The following BACH2 variants were observed in gnomAD, a reference collection of about 807,000 sequenced individuals.
BACH2 encodes transcription regulator protein BACH2.
BACH2 carries 5 observed loss-of-function variants against 61.8 expected under a neutral mutation model. The ratio of observed to expected loss-of-function variants is 0.08; its 90% confidence interval spans 0.04 to 0.17. The LOEUF is 0.17. Among genes scored for constraint, BACH2 ranks in the 10% least tolerant of loss-of-function variants. The pLI is 1.00. For synonymous variants in BACH2, 446 were observed against 440.1 expected (o/e 1.01, Z -0.17); for missense variants, 824 against 1,091.1 (o/e 0.76, Z 3.45).
intron 4 of BACH2, among the ~76,000 whole-genome samples, chr6:90,159,696 T>C (rs1364297226): frequency 6.6e-6 from 1 of 152,198 alleles, no homozygotes; most frequent in African/African-American, 2.4e-5. Context: ...ATAGCTATTG[T>C]GGTAACCAGG....
intron 1 of BACH2, among the ~76,000 whole-genome samples, chr6:90,274,336 A>AAAAAC (rs1006965310): frequency 6.6e-6 from 1 of 152,218 alleles, no homozygotes; most frequent in Non-Finnish European, 1.5e-5. Context: ...CACACACAAC[A>AAAAAC]AAAACAAAAC....
chr6:90,040,747 T>C, intron 5 of BACH2, among the ~76,000 whole-genome samples: 1 of 152,138 alleles, frequency 6.6e-6, no homozygotes, highest in East Asian at 1.9e-4. Flanking sequence ...TAAGGAGTTC[T>C]TGAGTTCAAT....
chr6:90,000,235 C>T (rs1010190995), intron 6 of BACH2, among the ~76,000 whole-genome samples: 1 of 152,182 alleles, frequency 6.6e-6, no homozygotes, highest in African/African-American at 2.4e-5. Context: ...CAACTCCATC[C>T]GAGACTGAGG....
At chr6:90,101,637 G>A (rs1304629907) in intron 4 of BACH2, among the ~76,000 whole-genome samples, 1 of 152,112 alleles carries the variant, frequency 6.6e-6, no homozygotes, top group African/African-American at 2.4e-5. Context: ...TTGCAAGATT[G>A]TTTTAGCTAT....
chr6:89,960,365 C>G (rs575504950), intron 6 of BACH2, among the ~76,000 whole-genome samples: 1 of 152,194 alleles, frequency 6.6e-6, no homozygotes, highest in Non-Finnish European at 1.5e-5. Context: ...GTCTTCCGAC[C>G]GCAGAGTTCA....
intron 7 of BACH2, among the ~76,000 whole-genome samples, chr6:89,943,371 C>A (rs576926400): frequency 1.3e-5 from 2 of 152,190 alleles, no homozygotes; most frequent in Non-Finnish European, 2.9e-5. Context: ...AAACCATCAT[C>A]CCCTTCCTCC....
intron 4 of BACH2, among the ~76,000 whole-genome samples, chr6:90,188,524 A>C (rs141329394): frequency 6.6e-6 from 1 of 152,254 alleles, no homozygotes; most frequent in African/African-American, 2.4e-5. Flanking sequence ...TAAAACACGA[A>C]GAAAAAAAGA....
chr6:90,152,321 T>C (rs909078409), intron 4 of BACH2, among the ~76,000 whole-genome samples: 3 of 152,228 alleles, frequency 2.0e-5, no homozygotes, highest in Admixed American at 2.0e-4. Context: ...CACAGGTAAC[T>C]CTTCAGCAGT....
rs964015925 is a variant in BACH2, at chr6:90,034,060, C to T, written c.-12-25204G>A. On this transcript the variant is annotated intron_variant, in intron 5 of 8. Transcript: ENST00000257749. ...ACACTGTGTCTATAAAGTTGTGCTA[C>T]ACCCTGGGTTACCCTCATCAAAGGC... Among the ~76,000 whole-genome samples the T allele has an allele frequency of 4.6e-5, 7 of 152,254 alleles. No homozygotes were observed. In the South Asian group the frequency reaches 1.0e-3, roughly 23 times the overall value.
At chr6:89,986,379 G>C (rs747776891) in intron 6 of BACH2, among the ~76,000 whole-genome samples, 2 of 152,116 alleles carry the variant, frequency 1.3e-5, no homozygotes, top group Non-Finnish European at 2.9e-5. Flanking sequence ...CTCTGTAATA[G>C]AGATTTGCAG....
intron 5 of BACH2, among the ~76,000 whole-genome samples, chr6:90,037,801 C>T (rs1206872662): frequency 6.6e-6 from 1 of 152,096 alleles, no homozygotes; most frequent in Non-Finnish European, 1.5e-5. Flanking sequence ...TGGGGTCATA[C>T]TGGAGTAGGG....
intron 6 of BACH2, among the ~76,000 whole-genome samples, chr6:89,968,521 G>C (rs1472439207): frequency 6.6e-6 from 1 of 152,178 alleles, no homozygotes; most frequent in Non-Finnish European, 1.5e-5. Flanking sequence ...CATGCTAGTT[G>C]GATGACAGTA....
chr6:90,242,626 G>A lies in BACH2; in HGVS notation c.-275+9887C>T, dbSNP rs975318556. ...TAGATGCGTAGTTGCTGAATTGTAC[G>A]TTAAGCCTATCTTGAGCTTTATAAG... is the stretch of plus-strand genomic sequence containing the variant. On this transcript the variant is annotated intron_variant, in intron 3 of 8. Coordinates refer to ENST00000257749, the MANE Select transcript of BACH2 (RefSeq NM_021813.4). 7.2e-5 allele frequency among the ~76,000 whole-genome samples: 11 copies of A among 152,136 alleles called. No individual in the cohort carries two copies. In the South Asian group the frequency reaches 1.7e-3, roughly 23 times the overall value.
At chr6:90,125,766 C>T (rs930842457) in intron 4 of BACH2, among the ~76,000 whole-genome samples, 1 of 152,210 alleles carries the variant, frequency 6.6e-6, no homozygotes, top group African/African-American at 2.4e-5. Context: ...CCTTGGGCTC[C>T]ATACCCAGCA....
chr6:90,026,908 G>A (rs1041317586), intron 5 of BACH2, among the ~76,000 whole-genome samples: 2 of 152,142 alleles, frequency 1.3e-5, no homozygotes, highest in African/African-American at 4.8e-5. Context: ...ATTGCAAGTT[G>A]GTTCACCCGG....
chr6:90,024,985 C>G (rs1778560022), intron 5 of BACH2, among the ~76,000 whole-genome samples: 1 of 152,230 alleles, frequency 6.6e-6, no homozygotes, highest in Admixed American at 6.5e-5. Flanking sequence ...TGTCCATCCT[C>G]TCCTCTTGTC....
intron 3 of BACH2, among the ~76,000 whole-genome samples, chr6:90,235,979 T>C (rs1350873928): frequency 6.6e-6 from 1 of 152,256 alleles, no homozygotes; most frequent in Non-Finnish European, 1.5e-5. Context: ...AAAGAACTAA[T>C]AAAACTGATT....
chr6:90,250,782 G>C (rs1249815888), intron 3 of BACH2, among the ~76,000 whole-genome samples: 1 of 152,020 alleles, frequency 6.6e-6, no homozygotes, highest in Non-Finnish European at 1.5e-5. Flanking sequence ...ACTCAAAAAT[G>C]GTTAAGAGAA....
intron 5 of BACH2, among the ~76,000 whole-genome samples, chr6:90,083,681 T>C (rs1005381472): frequency 1.2e-4 from 19 of 152,158 alleles, no homozygotes; most frequent in African/African-American, 4.1e-4. Flanking sequence ...ATTCAACATT[T>C]AACCTCTGGC....
Sources: allele counts gnomAD v4.1 joint callset (sites outside exome capture counted in the v4.1 genomes callset), GRCh38; gene constraint gnomAD v4.1.1; transcripts MANE v1.5; gene names NCBI Gene and HGNC (gene_info 2026-07-23, HGNC 2026-07-21).